The following CSF3R variants were observed in gnomAD, a reference collection of about 807,000 sequenced individuals.
CSF3R encodes granulocyte colony-stimulating factor receptor.
In CSF3R, 52 loss-of-function variants were observed where a neutral mutation model predicts 84.4. The ratio of observed to expected loss-of-function variants is 0.62; its 90% CI spans 0.49 to 0.78. CSF3R has a LOEUF of 0.78. CSF3R is among the 30% of genes least tolerant of loss of function. The pLI is 0.00. For synonymous variants in CSF3R, 384 were observed against 429.1 expected, an observed-to-expected ratio of 0.89 and a Z score of 1.30; for missense variants, 890 against 1,055.7, an observed-to-expected ratio of 0.84 and a Z score of 2.17.
In CSF3R at chr1:36,480,990, A is replaced by G. The variant is rs1038151251; in HGVS notation, c.-21+488T>C. Among the ~76,000 whole-genome samples the G allele has an allele frequency of 2.0e-5, 3 of 152,184 alleles. No homozygotes were observed. The East Asian group carries it at 5.8e-4, about 29-fold the overall frequency. On this transcript the variant is annotated intron_variant, in intron 2 of 16. Transcript: ENST00000373106. Reference sequence around the variant, plus strand: ...GTTTTGTGCAGTGAGAAACCTGTACAAGTATCCCGAGCATCTGTCTACCCA... The same window carrying G: ...GTTTTGTGCAGTGAGAAACCTGTACGAGTATCCCGAGCATCTGTCTACCCA...
At position 36,479,415 on chromosome 1, in the gene CSF3R, A is replaced by C. The variant is rs1014267878; in HGVS notation, c.64+18T>G. 1 of 1,613,842 alleles carries C rather than the reference A, an allele frequency of 6.2e-7. No individual in the cohort carries two copies. The highest frequency in any genetic ancestry group is 2.2e-5 in the East Asian group (1 of 44,880). ...AGCTTCCCCTCCCCACTGCACCCTC[A>C]TCCTTGGCCATACTCACTTCCGGGG... On this transcript the variant is annotated intron_variant, in intron 3 of 16. Transcript: ENST00000373106.
intron 2 of CSF3R, among the ~76,000 whole-genome samples, chr1:36,481,268 C>T (rs1311431076): frequency 3.9e-5 from 6 of 152,184 alleles, no homozygotes; most frequent in Admixed American, 3.9e-4. Context: ...CCAAGAGGCC[C>T]CGGCATCCTT....
At chr1:36,476,834 GA>G (rs1320196219) in intron 3 of CSF3R, 2 of 149,980 alleles carry the variant, frequency 1.3e-5, no homozygotes, top group Non-Finnish European at 3.0e-5. Context: ...CTAATTTTTT[GA>G]TTTTTTTTTT....
rs1650813879 is a variant in CSF3R, at chr1:36,472,344, G to A, written c.891C>T (p.Leu297=). ...GCAGGGTGTAGGCCGTGGCTGGGAG[G>A]AGCCCGCAGAGCTCATACTGAAGGG... is the stretch of plus-strand genomic sequence containing the variant. ...LEALQYELCG[L]LPATAYTLQI... is the part of the protein sequence containing the mutation. The change falls in exon 8 of 17, where the codon CTC becomes CTT. Residue 297 remains leucine, a synonymous_variant. Coordinates refer to ENST00000373106, the MANE Select transcript of CSF3R (RefSeq NM_000760.4). This position sits in a 1 kb window ranked among gnomAD's most constrained non-coding sequence, Gnocchi z 5.0. 1 of 1,614,142 alleles carries A rather than the reference G, an allele frequency of 6.2e-7. No homozygotes were observed. Among genetic ancestry groups the A allele is most frequent in the Admixed American group, 1.7e-5 (1 of 60,030 alleles).
At chr1:36,470,514 C>T (rs1650642939) in intron 10 of CSF3R, among the ~76,000 whole-genome samples, 1 of 152,178 alleles carries the variant, frequency 6.6e-6, no homozygotes, top group Non-Finnish European at 1.5e-5. Context: ...ACTGAGTCCT[C>T]TAATAGTCAT....
Position 36,473,634 on chromosome 1 carries a change from C to G in CSF3R, c.486-12G>C, listed in dbSNP as rs751011368. The G allele has an allele frequency of 1.2e-6, 2 of 1,613,992 alleles. No homozygotes were observed. Among genetic ancestry groups the G allele is most frequent in the Middle Eastern group, 1.6e-4 (1 of 6,062 alleles). ...AGTTGCCCCGGCTCCTGCCAATAGT[C>G]CAGGCTTGGGTGCCAAGCAGAGGAA... On this transcript the variant is annotated splice_polypyrimidine_tract_variant and intron_variant, in intron 5 of 16. Coordinates refer to ENST00000373106, the MANE Select transcript of CSF3R (RefSeq NM_000760.4).
chr1:36,475,218 G>A (rs576312349), intron 4 of CSF3R, among the ~76,000 whole-genome samples, 159 bp downstream of exon 4: 1 of 152,120 alleles, frequency 6.6e-6, no homozygotes, highest in Non-Finnish European at 1.5e-5. Flanking sequence ...TGCTGGCCAG[G>A]CTGATCATGA....
chr1:36,479,296 CA>C, intron 3 of CSF3R, 136 bp downstream of exon 3: 1 of 892,262 alleles, frequency 1.1e-6, no homozygotes, highest in Non-Finnish European at 1.8e-6. Context: ...CCAGCTACCC[CA>C]CATCTGTGGC....
chr1:36,466,608 G>T lies in CSF3R; in HGVS notation c.2260C>A (p.Gln754Lys). 1 of 1,613,684 alleles carries T rather than the reference G, an allele frequency of 6.2e-7. No homozygotes were observed. The highest frequency in any genetic ancestry group is 8.5e-7 in the Non-Finnish European group (1 of 1,179,710). Residue 754 changes from glutamine (Q) to lysine (K), a missense_variant, in exon 17 of 17, where the codon CAG becomes AAG. Gln to Lys is a moderately conservative substitution (Grantham distance 53, BLOSUM62 1). Transcript: ENST00000373106. The surrounding 1 kb of genome is among the most constrained non-coding windows in gnomAD (Gnocchi z 4.6). ...SGTSDQVLYG[Q>K]LLGSPTSPGP... Reference sequence around the variant, plus strand: ...GGGCTTGTGGGGCTGCCCAGCAGCTGCCCATAAAGGACCTGATCGCTGGTG... The same window carrying T: ...GGGCTTGTGGGGCTGCCCAGCAGCTTCCCATAAAGGACCTGATCGCTGGTG...
chr1:36,468,953 C>T (rs1650523869), intron 12 of CSF3R: 1 of 586,074 alleles, frequency 1.7e-6, no homozygotes, highest in Admixed American at 2.9e-5. Flanking sequence ...TGTGCCAACT[C>T]CCTACTCAAT....
At position 36,469,770 on chromosome 1, in the gene CSF3R, G is replaced by T; in HGVS notation, c.1356C>A (p.Pro452=). The T allele has an allele frequency of 6.2e-7, 1 of 1,614,160 alleles. No homozygotes were observed. ...PHSLWVGWEP[P]NPWPQGYVIE... is the part of the protein sequence containing the mutation. ...TCACATAGCCCTGAGGCCATGGATT[G>T]GGGGGCTCCCAGCCTACCCAGAGGC... Residue 452 remains proline, a synonymous_variant, in exon 11 of 17, where the codon CCC becomes CCA. Coordinates refer to ENST00000373106, the MANE Select transcript of CSF3R (RefSeq NM_000760.4).
Position 36,472,516 on chromosome 1 carries a change from C to G in CSF3R, c.843+1G>C. On this transcript the variant is annotated splice_donor_variant, in intron 7 of 16. Coordinates refer to ENST00000373106, the MANE Select transcript of CSF3R (RefSeq NM_000760.4). LOFTEE classifies it high-confidence loss of function. The surrounding 1 kb of genome is among the most constrained non-coding windows in gnomAD (Gnocchi z 5.0). ...GCTCTCCAGGTTGCCCTCTGCCTCA[C>G]CAGTGCCCAGCTGGCTTCTCCACGC... 1 of 1,614,204 alleles carries G rather than the reference C, an allele frequency of 6.2e-7. No individual in the cohort carries two copies. The highest frequency in any genetic ancestry group is 8.5e-7 in the Non-Finnish European group (1 of 1,180,026).
rs1335634575 is a variant in CSF3R, at chr1:36,472,077, G to A, written c.1060C>T (p.Leu354=). ...TCAGAGGGAGTCACCTTCCAGAACA[G>A]CTGCACTGTCCTGGGGTCCAGCTGC... is the stretch of plus-strand genomic sequence containing the variant. ...QRQLDPRTVQ[L]FWKPVPLEED... is the part of the protein sequence containing the mutation. Residue 354 remains leucine, a synonymous_variant, in exon 9 of 17, where the codon CTG becomes TTG. Coordinates refer to ENST00000373106, the MANE Select transcript of CSF3R (RefSeq NM_000760.4). This position sits in a 1 kb window ranked among gnomAD's most constrained non-coding sequence, Gnocchi z 5.0. The A allele has an allele frequency of 1.2e-6, 2 of 1,613,548 alleles. No homozygotes were observed. Among genetic ancestry groups the A allele is most frequent in the African/African-American group, 1.3e-5 (1 of 75,054 alleles).
chr1:36,467,057 A>C lies in CSF3R; in HGVS notation c.2040+173T>G. 3 of 1,254,330 alleles carry C rather than the reference A, an allele frequency of 2.4e-6. No individual in the cohort carries two copies. The highest frequency in any genetic ancestry group is 3.4e-6 in the Non-Finnish European group (3 of 880,190). The allele number at this position is 1,254,330 out of a possible 1,614,324, so 77.7% of individuals were successfully genotyped here. A position where few individuals can be genotyped will look rare whatever the true frequency, so the allele number is the denominator to read the frequency against. On this transcript the variant is annotated intron_variant, in intron 16 of 16. Transcript: ENST00000373106. The surrounding 1 kb of genome is among the most constrained non-coding windows in gnomAD (Gnocchi z 4.1). ...TTTCCATATCACAGGGAGGTGACTGAGGCTTTGAGATGGACAGAGGTGGGA... is the reference window on the plus strand; with the variant it reads ...TTTCCATATCACAGGGAGGTGACTGCGGCTTTGAGATGGACAGAGGTGGGA...
chr1:36,470,082 A>G (rs1235594084), intron 10 of CSF3R, among the ~76,000 whole-genome samples: 1 of 152,270 alleles, frequency 6.6e-6, no homozygotes, highest in African/African-American at 2.4e-5. Context: ...AGCGCCTGGC[A>G]TGGAGTAGTT....
intron 11 of CSF3R, 41 bp from the exon 12 acceptor site, chr1:36,469,298 A>C (rs1200186161): frequency 6.8e-7 from 1 of 1,479,884 alleles, no homozygotes; most frequent in Non-Finnish European, 9.4e-7. Flanking sequence ...GTTAGGGCCT[A>C]ACCTGTGCTA....
rs546853192 is a variant in CSF3R at position 36,467,520 on chromosome 1, G to A, written c.1958+38C>T. On this transcript the variant is annotated intron_variant, in intron 15 of 16. Transcript: ENST00000373106. This position sits in a 1 kb window ranked among gnomAD's most constrained non-coding sequence, Gnocchi z 4.1. ...TCTGGACCTGAGGTTCCCTGTGGGT[G>A]GGGGAAGCAGGATCTCAGGTCTCTC... 6.9e-5 allele frequency: 109 copies of A among 1,587,710 alleles called. 1 individual carries two copies. The South Asian group carries it at 9.3e-4, about 14-fold the overall frequency.
chr1:36,467,077 G>C lies in CSF3R; in HGVS notation c.2040+153C>G. The C allele has an allele frequency of 1.6e-6, 2 of 1,229,902 alleles. No individual in the cohort carries two copies. Among genetic ancestry groups the C allele is most frequent in the Non-Finnish European group, 2.3e-6 (2 of 854,272 alleles). The allele number at this position is 1,229,902 out of a possible 1,614,324, so 76.2% of individuals were successfully genotyped here. On this transcript the variant is annotated intron_variant, in intron 16 of 16. Transcript: ENST00000373106. The surrounding 1 kb of genome is among the most constrained non-coding windows in gnomAD (Gnocchi z 4.1). ...GACTGAGGCTTTGAGATGGACAGAG[G>C]TGGGATTCAAAGTTGGGTCTGCTTC...
Position 36,479,517 on chromosome 1 carries a change from C to T in CSF3R, c.-20-1G>A, listed in dbSNP as rs1304450816. ...GCCATAGCACCAACTTGATGTTCAC[C>T]TGTAGGCAGAAGGGTTGTTTAAGAC... On this transcript the variant is annotated splice_acceptor_variant, in intron 2 of 16. Transcript: ENST00000373106. LOFTEE classifies it low-confidence loss of function (5UTR_SPLICE). The T allele has an allele frequency of 1.2e-6, 2 of 1,613,022 alleles. No individual in the cohort carries two copies. Among genetic ancestry groups the T allele is most frequent in the Middle Eastern group, 1.6e-4 (1 of 6,062 alleles).
Sources: allele counts gnomAD v4.1 joint callset (sites outside exome capture counted in the v4.1 genomes callset), GRCh38; gene constraint gnomAD v4.1.1; non-coding constraint Gnocchi (gnomAD v3.1); transcripts MANE v1.5; gene names NCBI Gene and HGNC (gene_info 2026-07-23, HGNC 2026-07-21).